GIPR: variants seen among roughly 807,000 people sequenced by gnomAD.
GIPR encodes the protein GIP-R.
In GIPR, 74 loss-of-function variants were observed where a neutral mutation model predicts 62.2. That is an observed-to-expected ratio of 1.19 (90% CI 0.99 to 1.44). The LOEUF (loss-of-function observed/expected upper bound fraction) is 1.44, where lower values mean the gene tolerates loss of function less well. GIPR is among the 40% of genes most tolerant of loss of function. GIPR has a pLI of 0.00. For missense variants in GIPR, 664 were observed against 611.8 expected, an observed-to-expected ratio of 1.09 and a Z score of -0.90; for synonymous variants, 256 against 262.2, an observed-to-expected ratio of 0.98 and a Z score of 0.23.
At position 45,677,991 on chromosome 19, in the gene GIPR, T is replaced by C; in HGVS notation, c.1010T>C (p.Leu337Pro). The C allele has an allele frequency of 6.2e-7, 1 of 1,613,638 alleles. No individual in the cohort carries two copies. ...TRQMRCRDYR[L>P]RLARSTLTLV... ...CAAATGCGCTGCCGGGATTACCGGC[T>C]GAGGTGAGGGCATGCGTTGGGGACC... Residue 337 changes from leucine to proline, a missense_variant, in exon 11 of 14, where the codon CTG (leucine) becomes CCG (proline). Transcript: ENST00000590918.
chr19:45,669,418 G>A, intron 1 of GIPR, 59 bp from the exon 2 acceptor site: 2 of 1,487,068 alleles, frequency 1.3e-6, no homozygotes, highest in Non-Finnish European at 1.8e-6. Flanking sequence ...CTGAGGCGGG[G>A]TGACGCTGGG....
At position 45,683,163 on chromosome 19, in the gene GIPR, A is replaced by C. The variant is rs1382477415; in HGVS notation, c.*1228A>C. 3 of 152,492 alleles carry C rather than the reference A, an allele frequency of 2.0e-5. No homozygotes were observed. Among genetic ancestry groups the C allele is most frequent in the Non-Finnish European group, 4.4e-5 (3 of 68,220 alleles). The allele number at this position is 152,492 out of a possible 1,614,324, so 9.4% of individuals were successfully genotyped here. ...GGAGAACCACGTGTGCTCTTTGGAA[A>C]GGTTAGGCTGGCAGTGTTTGTAGGA... is the stretch of plus-strand genomic sequence containing the variant. On this transcript the variant is annotated 3_prime_UTR_variant, in exon 14 of 14. Transcript: ENST00000590918.
chr19:45,672,416 C>A (rs1290166702), intron 4 of GIPR, among the ~76,000 whole-genome samples: 1 of 152,070 alleles, frequency 6.6e-6, no homozygotes. Flanking sequence ...AAGCGATTCT[C>A]CTGCCTCAGC....
intron 5 of GIPR, among the ~76,000 whole-genome samples, chr19:45,673,769 TG>T (rs1975676199): frequency 6.6e-6 from 1 of 151,264 alleles, no homozygotes; most frequent in African/African-American, 2.4e-5. Flanking sequence ...GAGGCTGGGG[TG>T]GGAGGATCGC....
intron 7 of GIPR, 86 bp downstream of exon 7, chr19:45,674,912 A>C: frequency 4.0e-6 from 5 of 1,242,536 alleles, no homozygotes; most frequent in South Asian, 1.2e-5. Context: ...CCTATCTCCT[A>C]CACTCTCCAC....
intron 12 of GIPR, among the ~76,000 whole-genome samples, chr19:45,680,445 C>G (rs747107019): frequency 1.2e-3 from 181 of 152,028 alleles, no homozygotes; most frequent in Middle Eastern, 3.4e-3. Context: ...GAGGATCCCT[C>G]TAGCTCAGGA....
chr19:45,668,485 T>C lies in GIPR; in HGVS notation c.-45+187T>C, dbSNP rs558031918. Among the ~76,000 whole-genome samples the C allele has an allele frequency of 3.3e-5, 5 of 152,336 alleles. No homozygotes were observed. The East Asian group carries it at 9.6e-4, about 29-fold the overall frequency. On this transcript the variant is annotated intron_variant, in intron 1 of 13. Transcript: ENST00000590918. ...TTTCCATCTCTGGTTAGCTGCTAGA[T>C]AACTTCTCTTTCCCCTGCTCTGTCT...
At chr19:45,681,096 G>A (rs930352809) in intron 12 of GIPR, among the ~76,000 whole-genome samples, 2 of 152,156 alleles carry the variant, frequency 1.3e-5, no homozygotes, top group Non-Finnish European at 2.9e-5. Flanking sequence ...GGGTTGGTGT[G>A]GGGGAAGCCA....
chr19:45,680,492 C>CA (rs1309266995), intron 12 of GIPR, among the ~76,000 whole-genome samples: 1 of 152,096 alleles, frequency 6.6e-6, no homozygotes, highest in Admixed American at 6.6e-5. Flanking sequence ...CATGATCACT[C>CA]CACTGCACTC....
intron 12 of GIPR, 190 bp downstream of exon 12, chr19:45,678,416 T>C: frequency 1.4e-6 from 1 of 704,938 alleles, no homozygotes; most frequent in Non-Finnish European, 2.4e-6. Context: ...CAGGCTGGAG[T>C]ACAGTGGCGC....
At position 45,682,049 on chromosome 19, in the gene GIPR, C is replaced by G; in HGVS notation, c.*114C>G. The G allele has an allele frequency of 1.1e-6, 1 of 907,226 alleles. No homozygotes were observed. Among genetic ancestry groups the G allele is most frequent in the East Asian group, 2.7e-5 (1 of 37,076 alleles). 56.2% of individuals were successfully genotyped at this position (907,226 alleles called of 1,614,324 possible). A position where few individuals can be genotyped will look rare whatever the true frequency, so the allele number is the denominator to read the frequency against. ...TGGTGAAGGAAACAGAAAAAAGGTC[C>G]CTGCCCTTCTGGAGATGACAACTGA... On this transcript the variant is annotated 3_prime_UTR_variant, in exon 14 of 14. Transcript: ENST00000590918.
intron 2 of GIPR, 79 bp downstream of exon 2, chr19:45,669,671 C>A: frequency 6.6e-7 from 1 of 1,518,130 alleles, no homozygotes; most frequent in Non-Finnish European, 8.8e-7. Context: ...GTCGTCAGGG[C>A]GCTGTCGCTC....
Position 45,674,172 on chromosome 19 carries a change from G to A in GIPR, c.483G>A (p.Leu161=), listed in dbSNP as rs1975707791. ...TLLLALLILS[L]FRRLHCTRNY... Reference sequence around the variant, plus strand: ...TGCTAGCCCTGCTCATCTTGAGTTTGTTCAGGTGGGACCTTAACCCTGAGT... The same window carrying A: ...TGCTAGCCCTGCTCATCTTGAGTTTATTCAGGTGGGACCTTAACCCTGAGT... The change falls in exon 6 of 14, where the codon TTG becomes TTA. Residue 161 remains leucine, a synonymous_variant. Transcript: ENST00000590918. 1.2e-6 allele frequency: 2 copies of A among 1,606,850 alleles called. No homozygotes were observed. The highest frequency in any genetic ancestry group is 8.5e-7 in the Non-Finnish European group (1 of 1,173,382).
intron 7 of GIPR, 142 bp downstream of exon 7, chr19:45,674,968 T>G (rs1600299810): frequency 1.2e-6 from 1 of 813,948 alleles, no homozygotes; most frequent in Non-Finnish European, 2.1e-6. Flanking sequence ...TGTCTTGGGG[T>G]GGGGGATCAA....
At chr19:45,678,426 C>T in intron 12 of GIPR, 200 bp downstream of exon 12, 2 of 660,670 alleles carry the variant, frequency 3.0e-6, no homozygotes, top group Non-Finnish European at 5.2e-6. Context: ...TACAGTGGCG[C>T]GATCTCGGTT....
At chr19:45,671,142 G>A (rs1975516037) in intron 3 of GIPR, 143 bp from the exon 4 acceptor site, 1 of 689,926 alleles carries the variant, frequency 1.4e-6, no homozygotes, top group East Asian at 2.6e-5. Context: ...CCCTCCGAGT[G>A]GGCGGGGCTA....
intron 3 of GIPR, 55 bp downstream of exon 3, chr19:45,670,789 C>T: frequency 1.1e-5 from 10 of 951,810 alleles, no homozygotes; most frequent in East Asian, 2.6e-5. Context: ...GAGGGGTGGG[C>T]TTGGGATGGG....
At chr19:45,669,420 GA>G in intron 1 of GIPR, 56 bp from the exon 2 acceptor site, 1 of 1,494,674 alleles carries the variant, frequency 6.7e-7, no homozygotes, top group Admixed American at 2.0e-5. Context: ...GAGGCGGGGT[GA>G]CGCTGGGGTT....
At chr19:45,679,268 T>A (rs1046706381) in intron 12 of GIPR, among the ~76,000 whole-genome samples, 1 of 151,834 alleles carries the variant, frequency 6.6e-6, no homozygotes, top group Non-Finnish European at 1.5e-5. Flanking sequence ...TCACCTGAGG[T>A]CAAGAGTTCA....
Sources: allele counts gnomAD v4.1 joint callset (sites outside exome capture counted in the v4.1 genomes callset), GRCh38; gene constraint gnomAD v4.1.1; transcripts MANE v1.5; gene names NCBI Gene and HGNC (gene_info 2026-07-23, HGNC 2026-07-21).